ATRNL1: variants seen among roughly 807,000 people sequenced by gnomAD.
The protein encoded by ATRNL1 is attractin like 1.
A neutral mutation model predicts 182.7 loss-of-function variants in ATRNL1; 95 were observed. The ratio of observed to expected loss-of-function variants is 0.52; its 90% confidence interval spans 0.44 to 0.62. The LOEUF (loss-of-function observed/expected upper bound fraction) is 0.62. Among genes scored for constraint, ATRNL1 ranks in the 20% least tolerant of loss-of-function variants. The pLI is 0.00. For synonymous variants in ATRNL1, 576 were observed against 568.3 expected (o/e 1.01, Z -0.19); for missense variants, 1,471 against 1,679.5 (o/e 0.88, Z 2.17).
At chr10:115,208,600 C>G (rs1360405014) in intron 8 of ATRNL1, among the ~76,000 whole-genome samples, 1 of 152,048 alleles carries the variant, frequency 6.6e-6, no homozygotes, top group Non-Finnish European at 1.5e-5. Context: ...TCTCAGGACT[C>G]TACCTAATGC....
intron 9 of ATRNL1, among the ~76,000 whole-genome samples, chr10:115,219,484 C>T (rs1178768841): frequency 6.6e-6 from 1 of 152,070 alleles, no homozygotes; most frequent in Non-Finnish European, 1.5e-5. Flanking sequence ...CAGAAAGCTG[C>T]CTAGTCATGG....
At chr10:115,524,254 T>G (rs1332760792) in intron 25 of ATRNL1, among the ~76,000 whole-genome samples, 1 of 152,210 alleles carries the variant, frequency 6.6e-6, no homozygotes, top group Non-Finnish European at 1.5e-5. Context: ...ATTTTAACAT[T>G]TGATTTGGAG....
At chr10:115,480,232 AC>A (rs2134608911) in intron 24 of ATRNL1, among the ~76,000 whole-genome samples, 1 of 151,032 alleles carries the variant, frequency 6.6e-6, no homozygotes, top group African/African-American at 2.4e-5. Context: ...ACACACACAC[AC>A]ACAAAACAGA....
intron 19 of ATRNL1, among the ~76,000 whole-genome samples, chr10:115,369,326 G>T (rs1857261281): frequency 6.6e-6 from 1 of 151,278 alleles, no homozygotes; most frequent in African/African-American, 2.4e-5. Flanking sequence ...GGTTCCATGA[G>T]GGGATGGGGG....
At chr10:115,166,300 CATCT>C (rs1592199340) in intron 7 of ATRNL1, among the ~76,000 whole-genome samples, 2 of 152,012 alleles carry the variant, frequency 1.3e-5, no homozygotes, top group Non-Finnish European at 2.9e-5. Context: ...TTTATCCATC[CATCT>C]GTTGATGGAC....
At chr10:115,453,465 C>A (rs113797739) in intron 21 of ATRNL1, among the ~76,000 whole-genome samples, 2,192 of 152,092 alleles carry the variant, frequency 0.014, 51 homozygotes, top group African/African-American at 0.048. Flanking sequence ...TATTTTCTCT[C>A]ATTTTGTACC....
At chr10:115,428,748 T>C (rs1846017705) in intron 21 of ATRNL1, among the ~76,000 whole-genome samples, 1 of 152,120 alleles carries the variant, frequency 6.6e-6, no homozygotes, top group Non-Finnish European at 1.5e-5. Context: ...CATAAGTTCA[T>C]GGACATTGGG....
intron 20 of ATRNL1, among the ~76,000 whole-genome samples, chr10:115,408,149 G>A (rs187895860): frequency 0.053 from 7,963 of 151,094 alleles, 247 homozygotes; most frequent in Non-Finnish European, 0.073. Context: ...GACTACAGGC[G>A]CCCGCCACCG....
intron 26 of ATRNL1, among the ~76,000 whole-genome samples, chr10:115,561,791 A>G (rs2133840496): frequency 6.6e-6 from 1 of 151,972 alleles, no homozygotes; most frequent in African/African-American, 2.4e-5. Flanking sequence ...AGAAATAGAA[A>G]TCAAACCTAC....
intron 9 of ATRNL1, among the ~76,000 whole-genome samples, chr10:115,234,093 G>T (rs962139584): frequency 4.6e-5 from 7 of 151,582 alleles, no homozygotes; most frequent in Non-Finnish European, 1.0e-4. Context: ...ATAAACTTTG[G>T]GCCAACTAGG....
intron 10 of ATRNL1, among the ~76,000 whole-genome samples, chr10:115,251,289 A>AATTT (rs1850866439): frequency 6.6e-6 from 1 of 152,142 alleles, no homozygotes; most frequent in Non-Finnish European, 1.5e-5. Context: ...AGTATTTTAA[A>AATTT]ATTTATTGTA....
chr10:115,680,666 A>G (rs535021349), intron 26 of ATRNL1, among the ~76,000 whole-genome samples: 2 of 152,270 alleles, frequency 1.3e-5, no homozygotes, highest in South Asian at 4.1e-4. Context: ...GACCAGATAA[A>G]CAAAACTAAT....
intron 20 of ATRNL1, among the ~76,000 whole-genome samples, chr10:115,415,703 G>C (rs183218073): frequency 6.6e-6 from 1 of 151,144 alleles, no homozygotes; most frequent in African/African-American, 2.4e-5. Flanking sequence ...TATTTTTTAC[G>C]TTTAGATTTA....
chr10:115,888,183 C>G (rs1435559534), intron 28 of ATRNL1, among the ~76,000 whole-genome samples: 3 of 152,162 alleles, frequency 2.0e-5, no homozygotes, highest in Non-Finnish European at 4.4e-5. Flanking sequence ...AGCTAGTGAA[C>G]TTCTATTGTT....
intron 26 of ATRNL1, among the ~76,000 whole-genome samples, chr10:115,659,709 T>C (rs111939649): frequency 6.6e-6 from 1 of 152,190 alleles, no homozygotes; most frequent in African/African-American, 2.4e-5. Context: ...CACATAATCA[T>C]TGGAGACATT....
At chr10:115,212,329 G>T (rs556767391) in intron 8 of ATRNL1, among the ~76,000 whole-genome samples, 475 of 140,548 alleles carry the variant, frequency 3.4e-3, no homozygotes, top group Non-Finnish European at 5.3e-3. Context: ...AGATATTTTT[G>T]TTTGTTTCAA....
chr10:115,285,751 C>T (rs1352022919), intron 14 of ATRNL1, among the ~76,000 whole-genome samples: 1 of 152,068 alleles, frequency 6.6e-6, no homozygotes, highest in Non-Finnish European at 1.5e-5. Context: ...CCAACTTATA[C>T]CACAACTATA....
intron 19 of ATRNL1, among the ~76,000 whole-genome samples, chr10:115,364,513 C>G (rs1417537969): frequency 9.5e-5 from 14 of 147,738 alleles, no homozygotes; most frequent in South Asian, 2.2e-4. Flanking sequence ...CCCTTTATTT[C>G]CTTCTCCTGC....
At chr10:115,229,946 A>G (rs1368805154) in intron 9 of ATRNL1, among the ~76,000 whole-genome samples, 1 of 152,200 alleles carries the variant, frequency 6.6e-6, no homozygotes, top group Non-Finnish European at 1.5e-5. Flanking sequence ...AGAGGACATT[A>G]CAATACCCTA....
Sources: gnomAD v4.1 joint callset for allele counts (sites outside exome capture counted in the v4.1 genomes callset) on GRCh38, gnomAD v4.1.1 for gene constraint, MANE v1.5 for transcripts, NCBI Gene and HGNC (gene_info 2026-07-23, HGNC 2026-07-21) for gene names.